NUS1: variants seen among roughly 807,000 people sequenced by gnomAD.
The protein encoded by NUS1 is NUS1 dehydrodolichyl diphosphate synthase subunit, also known as dehydrodolichyl diphosphate synthase complex subunit NUS1.
For synonymous variants in NUS1, 135 were observed against 155.2 expected (o/e 0.87, Z 0.97); for missense variants, 292 against 382.9 (o/e 0.76, Z 1.98).
intron 3 of NUS1, among the ~76,000 whole-genome samples, chr6:117,695,660 A>G (rs1773308300): frequency 6.6e-6 from 1 of 152,194 alleles, no homozygotes; most frequent in African/African-American, 2.4e-5. Context: ...TTAATTTGAC[A>G]GAGGCAAGCA....
chr6:117,686,217 GC>G (rs1161923870), intron 1 of NUS1, among the ~76,000 whole-genome samples: 1 of 151,590 alleles, frequency 6.6e-6, no homozygotes, highest in Non-Finnish European at 1.5e-5. Flanking sequence ...CCGAGATCGC[GC>G]CACTGCACTC....
intron 1 of NUS1, among the ~76,000 whole-genome samples, chr6:117,683,269 A>G (rs1436442943): frequency 6.6e-6 from 1 of 152,210 alleles, no homozygotes; most frequent in Non-Finnish European, 1.5e-5. Context: ...ACAGCACTGC[A>G]GTATAATTTT....
intron 1 of NUS1, among the ~76,000 whole-genome samples, chr6:117,683,349 C>T (rs1314482476): frequency 1.3e-5 from 2 of 152,012 alleles, no homozygotes; most frequent in East Asian, 1.9e-4. Flanking sequence ...GCTTAATGGC[C>T]TATGTATTTT....
Position 117,707,127 on chromosome 6 carries a change from A to T in NUS1, c.*112A>T. 1 of 900,850 alleles carries T rather than the reference A, an allele frequency of 1.1e-6. No homozygotes were observed. The highest frequency in any genetic ancestry group is 1.4e-5 in the South Asian group (1 of 71,762). 55.8% of individuals were successfully genotyped at this position (900,850 alleles called of 1,614,324 possible). A position where few individuals can be genotyped will look rare whatever the true frequency, so the allele number is the denominator to read the frequency against. On this transcript the variant is annotated 3_prime_UTR_variant, in exon 5 of 5. Transcript: ENST00000368494. The stretch of plus-strand genomic sequence containing the variant: ...TGTACACACCTAGTTCATAATCCTC[A>T]TAATTTATCAACAAACACAAAAAAG...
chr6:117,683,624 A>T (rs1221933134), intron 1 of NUS1, among the ~76,000 whole-genome samples: 1 of 151,798 alleles, frequency 6.6e-6, no homozygotes, highest in African/African-American at 2.4e-5. Flanking sequence ...ATGAGGAGAG[A>T]TTGTTTCAAT....
At chr6:117,680,488 T>A (rs1009286206) in intron 1 of NUS1, among the ~76,000 whole-genome samples, 1 of 152,236 alleles carries the variant, frequency 6.6e-6, no homozygotes, top group African/African-American at 2.4e-5. Context: ...TGCTGTTGAT[T>A]GGTATTTTTC....
intron 1 of NUS1, among the ~76,000 whole-genome samples, chr6:117,690,462 GCAGA>G (rs1325206989): frequency 6.6e-6 from 1 of 152,072 alleles, no homozygotes; most frequent in Non-Finnish European, 1.5e-5. Flanking sequence ...TATTCTTTCA[GCAGA>G]CATTTATTTA....
chr6:117,693,915 G>A, intron 2 of NUS1, 116 bp from the exon 3 acceptor site: 1 of 1,133,784 alleles, frequency 8.8e-7, no homozygotes, highest in Non-Finnish European at 1.2e-6. Flanking sequence ...AAAAATTCTT[G>A]TTTACTGTAA....
At chr6:117,676,612 A>C (rs113244562) in intron 1 of NUS1, among the ~76,000 whole-genome samples, 103 of 152,304 alleles carry the variant, frequency 6.8e-4, no homozygotes, top group Non-Finnish European at 9.6e-4. Flanking sequence ...AATAAATAAA[A>C]AATCTCTTAT....
At chr6:117,689,814 C>T (rs1326072609) in intron 1 of NUS1, among the ~76,000 whole-genome samples, 1 of 152,182 alleles carries the variant, frequency 6.6e-6, no homozygotes, top group Non-Finnish European at 1.5e-5. Flanking sequence ...GTTCCTCCTG[C>T]CTTGGCCTCC....
Position 117,707,349 on chromosome 6 carries a change from A to G in NUS1, c.*334A>G, listed in dbSNP as rs1042695384. On this transcript the variant is annotated 3_prime_UTR_variant, in exon 5 of 5. Coordinates refer to ENST00000368494, the MANE Select transcript of NUS1 (RefSeq NM_138459.5). ...AAGTCTTCAGCCCAGCTACTTCCCT[A>G]TTTTTGTGGGGAGAAGAGGGCCTGA... 4.0e-6 allele frequency: 1 copy of G among 247,056 alleles called. No individual in the cohort carries two copies. Among genetic ancestry groups the G allele is most frequent in the African/African-American group, 2.3e-5 (1 of 43,374 alleles). The allele number at this position is 247,056 out of a possible 1,614,324, so 15.3% of individuals were successfully genotyped here.
At chr6:117,687,111 A>T (rs183253102) in intron 1 of NUS1, among the ~76,000 whole-genome samples, 1 of 152,312 alleles carries the variant, frequency 6.6e-6, no homozygotes, top group East Asian at 1.9e-4. Context: ...CAATAACTGT[A>T]TGAAAGTCTT....
At position 117,710,444 on chromosome 6, in the gene NUS1, G is replaced by T. The variant is rs1186189447; in HGVS notation, c.*3429G>T. 2 of 152,036 alleles carry T rather than the reference G, an allele frequency of 1.3e-5. No individual in the cohort carries two copies. The highest frequency in any genetic ancestry group is 4.8e-5 in the African/African-American group (2 of 41,420). The allele number at this position is 152,036 out of a possible 1,614,324, so 9.4% of individuals were successfully genotyped here. ...ATGATGCAATGGATAGGAAAAGGTA[G>T]TGCAAAAAGAATTTCTTAAGGTTTA... is the stretch of plus-strand genomic sequence containing the variant. On this transcript the variant is annotated 3_prime_UTR_variant, in exon 5 of 5. Coordinates refer to ENST00000368494, the MANE Select transcript of NUS1 (RefSeq NM_138459.5).
intron 1 of NUS1, among the ~76,000 whole-genome samples, chr6:117,676,996 T>C (rs969956549): frequency 6.6e-6 from 1 of 152,216 alleles, no homozygotes; most frequent in African/African-American, 2.4e-5. Flanking sequence ...CTTGGAAGGC[T>C]GGGATGGTTT....
chr6:117,686,518 C>T (rs1036040954), intron 1 of NUS1, among the ~76,000 whole-genome samples: 3 of 152,038 alleles, frequency 2.0e-5, no homozygotes, highest in South Asian at 2.1e-4. Context: ...TTTTTCCTCA[C>T]CTGTAAAAGG....
chr6:117,696,663 A>T lies in NUS1; in HGVS notation c.691+2483A>T, dbSNP rs191618013. On this transcript the variant is annotated intron_variant, in intron 3 of 4. Transcript: ENST00000368494. ...AAAGAAACTTTTACCCTAGAATAAT[A>T]GTATGCCCAGTGAAAATATCCTTCA... 4.6e-5 allele frequency among the ~76,000 whole-genome samples: 7 copies of T among 152,288 alleles called. No homozygotes were observed. In the East Asian group the frequency reaches 1.3e-3, roughly 29 times the overall value.
chr6:117,704,412 AT>A (rs1455460461), intron 4 of NUS1, among the ~76,000 whole-genome samples: 6 of 152,134 alleles, frequency 3.9e-5, no homozygotes, highest in Non-Finnish European at 2.9e-5. Flanking sequence ...GATAGTAAAT[AT>A]TTTAGGCTTT....
Position 117,676,041 on chromosome 6 carries a change from G to A in NUS1, c.371G>A (p.Cys124Tyr). 6.5e-7 allele frequency: 1 copy of A among 1,550,370 alleles called. No individual in the cohort carries two copies. The highest frequency in any genetic ancestry group is 2.0e-5 in the Admixed American group (1 of 51,050). Residue 124 changes from cysteine to tyrosine, a missense_variant, in exon 1 of 5, where the codon TGT becomes TAT. Physicochemically the swap from Cys to Tyr is radical, Grantham distance 194. Coordinates refer to ENST00000368494, the MANE Select transcript of NUS1 (RefSeq NM_138459.5). ...GACATCGCGAGCCTCGTGGTGTGGT[G>A]TATGGCCGTGGGCATCTCCTACATT... ...FSDIASLVVW[C>Y]MAVGISYISV...
At chr6:117,678,532 T>C (rs12190216) in intron 1 of NUS1, among the ~76,000 whole-genome samples, 63,912 of 151,980 alleles carry the variant, frequency 0.42, 16,936 homozygotes, top group Non-Finnish European at 0.6. Flanking sequence ...AAGTCAGTGG[T>C]GTAGGAAGGG....
Sources: allele counts gnomAD v4.1 joint callset (sites outside exome capture counted in the v4.1 genomes callset), GRCh38; gene constraint gnomAD v4.1.1; transcripts MANE v1.5; gene names NCBI Gene and HGNC (gene_info 2026-07-23, HGNC 2026-07-21).